Variants in DPY19L2 observed in about 807,000 individuals in gnomAD.
The protein encoded by DPY19L2 is probable C-mannosyltransferase DPY19L2.
A neutral mutation model predicts 97.9 loss-of-function variants in DPY19L2; 34 were observed. The observed-to-expected ratio is 0.35, with a 90% confidence interval of 0.26 to 0.46. DPY19L2 has a LOEUF of 0.46. Among genes scored for constraint, DPY19L2 ranks in the 20% least tolerant of loss-of-function variants. The pLI is 1.00. For synonymous variants in DPY19L2, 230 were observed against 307.9 expected, an observed-to-expected ratio of 0.75 and a Z score of 2.65; for missense variants, 623 against 911.4, an observed-to-expected ratio of 0.68 and a Z score of 4.07.
intron 17 of DPY19L2, among the ~76,000 whole-genome samples, chr12:63,583,465 A>G (rs1881284885): frequency 6.6e-6 from 1 of 152,150 alleles, no homozygotes; most frequent in African/African-American, 2.4e-5. Flanking sequence ...CAGCAAATCT[A>G]CGTGGTGGCA....
chr12:63,574,676 A>G (rs1879492115), intron 19 of DPY19L2, among the ~76,000 whole-genome samples: 1 of 152,102 alleles, frequency 6.6e-6, no homozygotes, highest in Non-Finnish European at 1.5e-5. Context: ...ATCAGACACA[A>G]TAGCTTACAA....
In DPY19L2 at chr12:63,599,359, G is replaced by T. The variant is rs558926055; in HGVS notation, c.1359+947C>A. On this transcript the variant is annotated intron_variant, in intron 13 of 21. Transcript: ENST00000324472. ...AACAATAAAAAGGAAAGGAGAATGG[G>T]GAAATCTGTCAGACATGCCAGAGAA... 2.6e-5 allele frequency among the ~76,000 whole-genome samples: 4 copies of T among 151,672 alleles called. No homozygotes were observed. In the South Asian group the frequency reaches 8.4e-4, roughly 32 times the overall value.
At chr12:63,606,952 TA>T (rs1166250986) in intron 12 of DPY19L2, among the ~76,000 whole-genome samples, 1 of 152,174 alleles carries the variant, frequency 6.6e-6, no homozygotes, top group Non-Finnish European at 1.5e-5. Flanking sequence ...CACTTATATC[TA>T]AAAATACCTT....
chr12:63,664,449 T>A (rs567541823), intron 2 of DPY19L2, among the ~76,000 whole-genome samples: 1 of 152,020 alleles, frequency 6.6e-6, no homozygotes, highest in Non-Finnish European at 1.5e-5. Context: ...GGCAGGTTAG[T>A]GTTTGTTTTT....
At chr12:63,655,676 T>A (rs1265450539) in intron 4 of DPY19L2, among the ~76,000 whole-genome samples, 1 of 151,820 alleles carries the variant, frequency 6.6e-6, no homozygotes, top group Non-Finnish European at 1.5e-5. Flanking sequence ...GAAAAGGATA[T>A]TGTTTACCTT....
rs1047860161 is a variant in DPY19L2 at position 63,564,210 on chromosome 12, TG to T, written c.2127-3549del. Among the ~76,000 whole-genome samples, 22 of 152,174 alleles carry T rather than the reference TG, an allele frequency of 1.4e-4. 1 individual carries two copies. The highest frequency in any genetic ancestry group is 4.8e-4 in the African/African-American group (20 of 41,450). On this transcript the variant is annotated intron_variant, in intron 21 of 21. Coordinates refer to ENST00000324472, the MANE Select transcript of DPY19L2 (RefSeq NM_173812.5). Reference sequence around the variant, plus strand: ...GTGTTTGGTTTTACTGACTTTTCCCTGTTTTAGGAGGAAATACACACTGATT... The same window carrying T: ...GTGTTTGGTTTTACTGACTTTTCCCTTTTTAGGAGGAAATACACACTGATT...
intron 3 of DPY19L2, among the ~76,000 whole-genome samples, chr12:63,662,372 A>C (rs1459425437): frequency 6.6e-6 from 1 of 152,212 alleles, no homozygotes; most frequent in African/African-American, 2.4e-5. Context: ...CCATTACCTC[A>C]TAGTTGATTG....
At chr12:63,648,414 C>T (rs564662642) in intron 4 of DPY19L2, among the ~76,000 whole-genome samples, 1 of 151,358 alleles carries the variant, frequency 6.6e-6, no homozygotes, top group South Asian at 2.1e-4. Context: ...GGAAGCTAGA[C>T]TTCCACCTTC....
intron 5 of DPY19L2, 101 bp from the exon 6 acceptor site, chr12:63,644,597 G>C (rs1893145190): frequency 1.4e-6 from 2 of 1,477,334 alleles, no homozygotes; most frequent in Admixed American, 2.5e-5. Flanking sequence ...TCATGAATTT[G>C]CTGAAAGCAT....
rs561718613 is a variant in DPY19L2, at chr12:63,608,811, T to C, written c.1219-136A>G. On this transcript the variant is annotated intron_variant, in intron 11 of 21. Transcript: ENST00000324472. ...CACCAGCCATTTTCCTCCTTAACTGTTGATTTTTCAAATTTTGGACAAATT... is the reference window on the plus strand; with the variant it reads ...CACCAGCCATTTTCCTCCTTAACTGCTGATTTTTCAAATTTTGGACAAATT... 18 of 764,484 alleles carry C rather than the reference T, an allele frequency of 2.4e-5. No individual in the cohort carries two copies. The East Asian group carries it at 4.3e-4, about 18-fold the overall frequency. 47.4% of individuals were successfully genotyped at this position (764,484 alleles called of 1,614,324 possible). A position where few individuals can be genotyped will look rare whatever the true frequency, so the allele number is the denominator to read the frequency against.
chr12:63,571,605 A>G (rs983603358), intron 19 of DPY19L2, among the ~76,000 whole-genome samples: 1 of 152,196 alleles, frequency 6.6e-6, no homozygotes, highest in African/African-American at 2.4e-5. Flanking sequence ...CGGATGTGCC[A>G]TAAAAAAGGA....
Position 63,668,020 on chromosome 12 carries a change from G to A in DPY19L2, c.337+37C>T, listed in dbSNP as rs193095190. ...CTTCAAGACTCAAGAAAAGCGCCAT[G>A]CGGCTCCCTCCTAGGGCTCTCCTGC... On this transcript the variant is annotated intron_variant, in intron 1 of 21. Coordinates refer to ENST00000324472, the MANE Select transcript of DPY19L2 (RefSeq NM_173812.5). The A allele has an allele frequency of 8.3e-4, 1,314 of 1,580,466 alleles. No homozygotes were observed. The African/African-American group carries it at 0.016, about 19-fold the overall frequency.
intron 19 of DPY19L2, among the ~76,000 whole-genome samples, chr12:63,577,919 T>C (rs1880154631): frequency 6.6e-6 from 1 of 152,120 alleles, no homozygotes; most frequent in Non-Finnish European, 1.5e-5. Flanking sequence ...AGTTACAAAA[T>C]GATCCAGCAA....
At chr12:63,580,994 C>T (rs868798818) in intron 18 of DPY19L2, among the ~76,000 whole-genome samples, 158 bp from the exon 19 acceptor site, 5 of 152,102 alleles carry the variant, frequency 3.3e-5, no homozygotes, top group African/African-American at 7.2e-5. Flanking sequence ...TCTAAAGCAA[C>T]GAATATATTG....
At chr12:63,619,656 C>T (rs184141724) in intron 9 of DPY19L2, among the ~76,000 whole-genome samples, 1 of 152,080 alleles carries the variant, frequency 6.6e-6, no homozygotes, top group Non-Finnish European at 1.5e-5. Context: ...GAGCCCACCA[C>T]CATGCTCAGC....
Position 63,644,390 on chromosome 12 carries a change from G to A in DPY19L2, c.803+13C>T. On this transcript the variant is annotated intron_variant, in intron 6 of 21. Coordinates refer to ENST00000324472, the MANE Select transcript of DPY19L2 (RefSeq NM_173812.5). Reference sequence around the variant, plus strand: ...GCCCACTGAAAGGTCTCTTAATTCAGTAGTAGTCTTACCTCAGGTATGCTC... The same window carrying A: ...GCCCACTGAAAGGTCTCTTAATTCAATAGTAGTCTTACCTCAGGTATGCTC... 6.2e-7 allele frequency: 1 copy of A among 1,600,274 alleles called. No homozygotes were observed. The highest frequency in any genetic ancestry group is 8.5e-7 in the Non-Finnish European group (1 of 1,176,080).
At chr12:63,637,424 C>A (rs1442738802) in intron 6 of DPY19L2, among the ~76,000 whole-genome samples, 1 of 151,930 alleles carries the variant, frequency 6.6e-6, no homozygotes, top group East Asian at 1.9e-4. Context: ...AATCCAGGAG[C>A]TGGTTTTTGG....
chr12:63,624,445 C>A (rs1276292521), intron 7 of DPY19L2, among the ~76,000 whole-genome samples: 1 of 152,110 alleles, frequency 6.6e-6, no homozygotes, highest in Non-Finnish European at 1.5e-5. Context: ...CACAGCCCAG[C>A]CCTGCAGTAT....
intron 4 of DPY19L2, among the ~76,000 whole-genome samples, chr12:63,657,074 T>C (rs1397926454): frequency 6.6e-6 from 1 of 152,204 alleles, no homozygotes; most frequent in Non-Finnish European, 1.5e-5. Flanking sequence ...TAGGTATGCC[T>C]CATAATTTTT....
Sources: allele counts gnomAD v4.1 joint callset (sites outside exome capture counted in the v4.1 genomes callset), GRCh38; gene constraint gnomAD v4.1.1; transcripts MANE v1.5; gene names NCBI Gene and HGNC (gene_info 2026-07-23, HGNC 2026-07-21).